Variants in DIPK2A observed in about 807,000 individuals in gnomAD.
DIPK2A encodes divergent protein kinase domain 2A.
DIPK2A carries 27 observed loss-of-function variants against 39.0 expected under a neutral mutation model. That is an observed-to-expected ratio of 0.69 (90% CI 0.51 to 0.96). The LOEUF (loss-of-function observed/expected upper bound fraction) is 0.96. Among genes scored for constraint, DIPK2A ranks in the 40% least tolerant of loss-of-function variants. The pLI is 0.00. For synonymous variants in DIPK2A, 298 were observed against 240.8 expected, an observed-to-expected ratio of 1.24 and a Z score of -2.20; for missense variants, 528 against 571.3, an observed-to-expected ratio of 0.92 and a Z score of 0.77.
chr3:143,982,135 C>T lies in DIPK2A; in HGVS notation c.658-3408C>T, dbSNP rs562169315. On this transcript the variant is annotated intron_variant, in intron 1 of 2. Coordinates refer to ENST00000315691, the MANE Select transcript of DIPK2A (RefSeq NM_173552.5). ...TTTTAGTGCTTGTGGATGCTCTCTACGTTTCTTATAGCATCAGTGCTTTTA... is the reference window on the plus strand; with the variant it reads ...TTTTAGTGCTTGTGGATGCTCTCTATGTTTCTTATAGCATCAGTGCTTTTA... Among the ~76,000 whole-genome samples the T allele has an allele frequency of 1.1e-4, 17 of 152,218 alleles. 1 individual carries two copies. Among genetic ancestry groups the T allele is most frequent in the South Asian group, 2.1e-4 (1 of 4,826 alleles).
chr3:143,972,541 G>A lies in DIPK2A; in HGVS notation c.209G>A (p.Gly70Glu). ...GTSWCRRFLN[G>E]QVVFEAWGRL... ...AGCTGGTGCCGCCGCTTCCTCAACG[G>A]GCAGGTGGTATTCGAGGCGTGGGGC... is the stretch of plus-strand genomic sequence containing the variant. The change falls in exon 1 of 3, where the codon GGG (glycine) becomes GAG (glutamate). Residue 70 changes from glycine to glutamate, a missense_variant. Transcript: ENST00000315691. 1 of 1,612,316 alleles carries A rather than the reference G, an allele frequency of 6.2e-7. No homozygotes were observed. Among genetic ancestry groups the A allele is most frequent in the Non-Finnish European group, 8.5e-7 (1 of 1,179,682 alleles).
At chr3:143,978,010 T>C (rs2087754969) in intron 1 of DIPK2A, among the ~76,000 whole-genome samples, 1 of 152,144 alleles carries the variant, frequency 6.6e-6, no homozygotes, top group Admixed American at 6.5e-5. Context: ...GTCTTTGAAC[T>C]ATTCTTTATA....
intron 1 of DIPK2A, among the ~76,000 whole-genome samples, chr3:143,980,004 T>C (rs2087804613): frequency 6.6e-6 from 1 of 152,198 alleles, no homozygotes; most frequent in South Asian, 2.1e-4. Context: ...TTGGCTGCTA[T>C]TTAGCAGTAT....
intron 1 of DIPK2A, among the ~76,000 whole-genome samples, chr3:143,978,687 T>TAG (rs1219412014): frequency 1.7e-4 from 21 of 126,328 alleles, no homozygotes; most frequent in South Asian, 1.2e-3. Flanking sequence ...TATATCTATA[T>TAG]ATATATATAT....
At chr3:143,981,033 A>C (rs2087821516) in intron 1 of DIPK2A, among the ~76,000 whole-genome samples, 1 of 152,312 alleles carries the variant, frequency 6.6e-6, no homozygotes, top group East Asian at 1.9e-4. Context: ...CAATACCAAA[A>C]TGTATTCTTT....
Position 143,972,784 on chromosome 3 carries a change from G to T in DIPK2A, c.452G>T (p.Gly151Val). Residue 151 changes from glycine to valine, a missense_variant, in exon 1 of 3, where the codon GGC becomes GTC. This residue lies in a region of DIPK2A where 309 missense variants were observed against 289.8 expected (regional missense o/e 1.07). Transcript: ENST00000315691. ...CGGACCGAGTTCGCGCGCCTCAACG[G>T]CGACGTGCGTCTGCTCACGCCCGAG... Reference protein sequence around the residue: ...MPRTEFARLNGDVRLLTPEAV... With the variant: ...MPRTEFARLNVDVRLLTPEAV... 6.4e-7 allele frequency: 1 copy of T among 1,569,310 alleles called. No homozygotes were observed. Among genetic ancestry groups the T allele is most frequent in the Non-Finnish European group, 8.6e-7 (1 of 1,161,350 alleles).
chr3:143,977,036 AT>A (rs1038581768), intron 1 of DIPK2A, among the ~76,000 whole-genome samples: 7 of 152,040 alleles, frequency 4.6e-5, no homozygotes, highest in East Asian at 1.9e-4. Flanking sequence ...AGTTATACTG[AT>A]TTTTTTCCAT....
intron 1 of DIPK2A, among the ~76,000 whole-genome samples, chr3:143,977,856 A>G (rs2087752533): frequency 6.6e-6 from 1 of 152,134 alleles, no homozygotes; most frequent in Non-Finnish European, 1.5e-5. Flanking sequence ...TATTTTAGAA[A>G]GACCCTAGAA....
In DIPK2A at chr3:143,991,629, T is replaced by C. The variant is rs2087990563; in HGVS notation, c.*1788T>C. ...TTGCATTCGGTTAATTTTTACACATTAGTGCATTGCGTATATCAACTGGCC... is the reference window on the plus strand; with the variant it reads ...TTGCATTCGGTTAATTTTTACACATCAGTGCATTGCGTATATCAACTGGCC... On this transcript the variant is annotated 3_prime_UTR_variant, in exon 3 of 3. Transcript: ENST00000315691. The C allele has an allele frequency of 6.6e-6, 1 of 152,650 alleles. No homozygotes were observed. The highest frequency in any genetic ancestry group is 2.4e-5 in the African/African-American group (1 of 41,470). The allele number at this position is 152,650 out of a possible 1,614,324, so 9.5% of individuals were successfully genotyped here. A position where few individuals can be genotyped will look rare whatever the true frequency, so the allele number is the denominator to read the frequency against.
intron 2 of DIPK2A, 171 bp downstream of exon 2, chr3:143,986,017 C>A: frequency 1.7e-6 from 1 of 587,498 alleles, no homozygotes; most frequent in Non-Finnish European, 3.0e-6. Flanking sequence ...CTTTGACTTA[C>A]TGGGGGTTAC....
intron 1 of DIPK2A, chr3:143,978,647 T>TATATATATATCTATATATAG (rs1559854211): frequency 2.0e-3 from 84 of 42,746 alleles, no homozygotes; most frequent in Middle Eastern, 0.012. Flanking sequence ...TATCTATATA[T>TATATATATATCTATATATAG]ATATATATAT....
At chr3:143,977,963 A>C (rs1475606181) in intron 1 of DIPK2A, among the ~76,000 whole-genome samples, 1 of 152,040 alleles carries the variant, frequency 6.6e-6, no homozygotes, top group Non-Finnish European at 1.5e-5. Context: ...ATATCTTTTG[A>C]CCATTTTGAA....
chr3:143,977,263 G>A (rs1229774483), intron 1 of DIPK2A, among the ~76,000 whole-genome samples: 1 of 152,006 alleles, frequency 6.6e-6, no homozygotes, highest in Non-Finnish European at 1.5e-5. Flanking sequence ...GAAGCTATTG[G>A]ATTAGATCCT....
intron 1 of DIPK2A, chr3:143,978,666 A>G (rs1232064367): frequency 6.9e-5 from 3 of 43,692 alleles, no homozygotes; most frequent in Non-Finnish European, 1.2e-4. Context: ...ATATCTATAT[A>G]TAGATATATA....
At chr3:143,989,120 T>A (rs1269174645) in intron 2 of DIPK2A, among the ~76,000 whole-genome samples, 1 of 152,234 alleles carries the variant, frequency 6.6e-6, no homozygotes, top group Non-Finnish European at 1.5e-5. Flanking sequence ...TTTTTCCTAG[T>A]TTCTTTTCAG....
intron 2 of DIPK2A, among the ~76,000 whole-genome samples, chr3:143,987,274 T>C (rs2087917300): frequency 6.6e-6 from 1 of 152,120 alleles, no homozygotes; most frequent in South Asian, 2.1e-4. Flanking sequence ...TTAAAAAAAT[T>C]ATTTCAGTGT....
Position 143,990,326 on chromosome 3 carries a change from A to G in DIPK2A, c.*485A>G, listed in dbSNP as rs577772731. 1.2e-3 allele frequency: 183 copies of G among 149,576 alleles called. No homozygotes were observed. The highest frequency in any genetic ancestry group is 1.5e-3 in the Non-Finnish European group (102 of 67,700). The allele number at this position is 149,576 out of a possible 1,614,324, so 9.3% of individuals were successfully genotyped here. On this transcript the variant is annotated 3_prime_UTR_variant, in exon 3 of 3. Coordinates refer to ENST00000315691, the MANE Select transcript of DIPK2A (RefSeq NM_173552.5). The stretch of plus-strand genomic sequence containing the variant: ...TTTTTTTTTTAATTAAATTTTGAAA[A>G]TTCAGGTTACTGTAGGTGTTCATTT...
chr3:143,985,744 G>A lies in DIPK2A; in HGVS notation c.859G>A (p.Asp287Asn). The A allele has an allele frequency of 6.2e-7, 1 of 1,614,128 alleles. No individual in the cohort carries two copies. Among genetic ancestry groups the A allele is most frequent in the Non-Finnish European group, 8.5e-7 (1 of 1,180,000 alleles). ...NDFEFALYLLDVSFDNFAVGP... is the reference protein window; with the variant it reads ...NDFEFALYLLNVSFDNFAVGP... The stretch of plus-strand genomic sequence containing the variant: ...CTTTGAATTTGCACTCTACCTCCTG[G>A]ACGTCAGCTTTGACAATTTTGCAGT... The change falls in exon 2 of 3, where the codon GAC (aspartate) becomes AAC (asparagine). Residue 287 changes from aspartate (D) to asparagine (N), a missense_variant. Asp to Asn is a conservative substitution (Grantham distance 23). Around this residue, in one of 2 missense-constraint regions of DIPK2A, gnomAD observed 219 missense variants for 281.5 expected, o/e 0.78. Transcript: ENST00000315691.
At chr3:143,980,320 T>A (rs977785849) in intron 1 of DIPK2A, among the ~76,000 whole-genome samples, 1 of 152,180 alleles carries the variant, frequency 6.6e-6, no homozygotes, top group Non-Finnish European at 1.5e-5. Flanking sequence ...CAGGCCGGAG[T>A]GCAGTGGCGT....
Sources: gnomAD v4.1 joint callset for allele counts (sites outside exome capture counted in the v4.1 genomes callset) on GRCh38, gnomAD v4.1.1 for gene constraint, gnomAD v4.1.1 regional missense constraint, MANE v1.5 for transcripts, NCBI Gene and HGNC (gene_info 2026-07-23, HGNC 2026-07-21) for gene names.